BCL2L13: variants seen among roughly 807,000 people sequenced by gnomAD.
BCL2L13 encodes the protein bcl-2-like protein 13.
A neutral mutation model predicts 25.8 loss-of-function variants in BCL2L13; 13 were observed. The observed-to-expected ratio is 0.50, with a 90% CI of 0.33 to 0.80. The LOEUF (loss-of-function observed/expected upper bound fraction) is 0.80, where lower values mean the gene tolerates loss of function less well. BCL2L13 is among the 30% of genes least tolerant of loss of function. The pLI is 0.02. For synonymous variants in BCL2L13, 244 were observed against 230.3 expected (o/e 1.06, Z -0.54); for missense variants, 504 against 574.9 (o/e 0.88, Z 1.26).
intron 6 of BCL2L13, among the ~76,000 whole-genome samples, chr22:17,714,209 C>G (rs563436158): frequency 1.2e-4 from 18 of 152,146 alleles, no homozygotes; most frequent in African/African-American, 4.1e-4. Flanking sequence ...AGGAGAAAGG[C>G]GTGAACCCGG....
At chr22:17,693,472 C>T (rs1482430903) in intron 4 of BCL2L13, among the ~76,000 whole-genome samples, 5 of 148,766 alleles carry the variant, frequency 3.4e-5, no homozygotes, top group African/African-American at 4.9e-5. Flanking sequence ...TTCCGCCTCC[C>T]GGGTTCAAGC....
intron 6 of BCL2L13, among the ~76,000 whole-genome samples, chr22:17,707,541 T>C (rs2060626139): frequency 6.6e-6 from 1 of 152,166 alleles, no homozygotes. Flanking sequence ...AATACAAATA[T>C]TTTATATGAA....
intron 4 of BCL2L13, among the ~76,000 whole-genome samples, chr22:17,693,899 G>C (rs1228688635): frequency 6.6e-6 from 1 of 151,802 alleles, no homozygotes; most frequent in Admixed American, 6.6e-5. Context: ...CACCACACCA[G>C]GCTAATTTTT....
At chr22:17,658,696 CAAAAA>C (rs34033346) in intron 2 of BCL2L13, among the ~76,000 whole-genome samples, 2 of 104,916 alleles carry the variant, frequency 1.9e-5, no homozygotes, top group Non-Finnish European at 1.8e-5. Context: ...ACTCTGTCAC[CAAAAA>C]AAAAAAAAAA....
chr22:17,702,762 G>C, intron 6 of BCL2L13: 1 of 156,318 alleles, frequency 6.4e-6, no homozygotes, highest in Non-Finnish European at 1.4e-5. Flanking sequence ...TAAAAATTTT[G>C]TTTTCAATTA....
intron 1 of BCL2L13, among the ~76,000 whole-genome samples, chr22:17,654,030 A>G (rs1040980478): frequency 2.6e-5 from 4 of 152,056 alleles, no homozygotes; most frequent in Admixed American, 6.6e-5. Flanking sequence ...TCTAATGCCT[A>G]TAGAGTACCT....
chr22:17,712,055 A>C (rs2060778698), intron 6 of BCL2L13, among the ~76,000 whole-genome samples: 1 of 151,786 alleles, frequency 6.6e-6, no homozygotes, highest in Admixed American at 6.6e-5. Context: ...TTTTTAATGT[A>C]AGTGAAAGAC....
chr22:17,696,715 G>C (rs1407958613), intron 5 of BCL2L13, among the ~76,000 whole-genome samples: 1 of 152,154 alleles, frequency 6.6e-6, no homozygotes, highest in Non-Finnish European at 1.5e-5. Context: ...AGTTAGGTAG[G>C]TAATCAGAAA....
At chr22:17,686,418 C>G (rs1260259329) in intron 3 of BCL2L13, among the ~76,000 whole-genome samples, 9 of 151,974 alleles carry the variant, frequency 5.9e-5, no homozygotes. Flanking sequence ...CCACTGTACT[C>G]CAGGCTGGGT....
At chr22:17,667,740 C>T (rs1342306038) in intron 2 of BCL2L13, among the ~76,000 whole-genome samples, 1 of 151,736 alleles carries the variant, frequency 6.6e-6, no homozygotes, top group Non-Finnish European at 1.5e-5. Context: ...AACTCCTGAC[C>T]TCTAGTGATC....
intron 6 of BCL2L13, among the ~76,000 whole-genome samples, chr22:17,704,283 G>T (rs1018634785): frequency 6.6e-6 from 1 of 151,822 alleles, no homozygotes; most frequent in Admixed American, 6.6e-5. Context: ...ATAGGGCTTC[G>T]CCATGTTGGC....
intron 6 of BCL2L13, among the ~76,000 whole-genome samples, chr22:17,706,075 A>G (rs752787354): frequency 3.8e-4 from 58 of 152,196 alleles, no homozygotes; most frequent in Non-Finnish European, 7.1e-4. Flanking sequence ...GTACAGTGGC[A>G]TGATCATGGC....
In BCL2L13 at chr22:17,727,795, C is replaced by G; in HGVS notation, c.*261C>G. On this transcript the variant is annotated 3_prime_UTR_variant, in exon 7 of 7. Coordinates refer to ENST00000317582, the MANE Select transcript of BCL2L13 (RefSeq NM_015367.4). ...AAGCACCCCCTCCAGGACCGGGTTTCTCAGCCTTGGCACTAGTGCTGTTCT... is the reference window on the plus strand; with the variant it reads ...AAGCACCCCCTCCAGGACCGGGTTTGTCAGCCTTGGCACTAGTGCTGTTCT... 1.9e-6 allele frequency: 1 copy of G among 522,586 alleles called. No homozygotes were observed. The highest frequency in any genetic ancestry group is 3.4e-6 in the Non-Finnish European group (1 of 290,514). The allele number at this position is 522,586 out of a possible 1,614,324, so 32.4% of individuals were successfully genotyped here.
chr22:17,722,044 A>G, intron 6 of BCL2L13, among the ~76,000 whole-genome samples: 1 of 152,186 alleles, frequency 6.6e-6, no homozygotes, highest in East Asian at 1.9e-4. Context: ...TTTTCTAAAC[A>G]TGTGTTTTGC....
At chr22:17,663,860 T>A (rs1170331576) in intron 2 of BCL2L13, among the ~76,000 whole-genome samples, 1 of 151,378 alleles carries the variant, frequency 6.6e-6, no homozygotes. Flanking sequence ...CTAATTTTTT[T>A]TTTTTTGAGA....
At chr22:17,639,611 C>T (rs532062075) in intron 1 of BCL2L13, among the ~76,000 whole-genome samples, 1 of 152,272 alleles carries the variant, frequency 6.6e-6, no homozygotes, top group South Asian at 2.1e-4. Context: ...CTTAGCCACT[C>T]CCTGCACAAG....
At chr22:17,640,177 G>A (rs1239756221) in intron 1 of BCL2L13, among the ~76,000 whole-genome samples, 1 of 151,316 alleles carries the variant, frequency 6.6e-6, no homozygotes, top group Non-Finnish European at 1.5e-5. Context: ...AACCACCCCC[G>A]CGCCACCGCA....
chr22:17,656,807 T>A (rs2058884871), intron 2 of BCL2L13, among the ~76,000 whole-genome samples: 2 of 152,098 alleles, frequency 1.3e-5, no homozygotes, highest in Admixed American at 1.3e-4. Context: ...ATCATAATGA[T>A]ACAGTTTATT....
At chr22:17,681,208 A>G (rs867501759) in intron 2 of BCL2L13, among the ~76,000 whole-genome samples, 1 of 152,176 alleles carries the variant, frequency 6.6e-6, no homozygotes, top group Non-Finnish European at 1.5e-5. Flanking sequence ...GGACGGGGAA[A>G]GAAGGAGAAT....
Sources: gnomAD v4.1 joint callset for allele counts (sites outside exome capture counted in the v4.1 genomes callset) on GRCh38, gnomAD v4.1.1 for gene constraint, MANE v1.5 for transcripts, NCBI Gene and HGNC (gene_info 2026-07-23, HGNC 2026-07-21) for gene names.